The following CCDC60 variants were observed in gnomAD, a reference collection of about 807,000 sequenced individuals.
CCDC60 encodes the protein coiled-coil domain-containing protein 60.
Under a neutral mutation model 63.5 loss-of-function variants are expected in CCDC60, and 54 were observed. The ratio of observed to expected loss-of-function variants is 0.85; its 90% CI spans 0.68 to 1.07. CCDC60 has a LOEUF of 1.07. Among genes scored for constraint, CCDC60 ranks in the 50% least tolerant of loss-of-function variants. The pLI, the probability that CCDC60 is intolerant of heterozygous loss-of-function variation, is 0.00. For missense variants in CCDC60, 651 were observed against 684.3 expected (o/e 0.95, Z 0.54); for synonymous variants, 206 against 238.8 (o/e 0.86, Z 1.27).
At chr12:119,484,216 A>ATCTG (rs1392856138) in intron 4 of CCDC60, among the ~76,000 whole-genome samples, 1 of 152,102 alleles carries the variant, frequency 6.6e-6, no homozygotes, top group African/African-American at 2.4e-5. Flanking sequence ...CAGTTTCCTC[A>ATCTG]TCTGCAAAAC....
At chr12:119,351,029 G>C (rs1309120569) in intron 1 of CCDC60, among the ~76,000 whole-genome samples, 1 of 152,202 alleles carries the variant, frequency 6.6e-6, no homozygotes, top group African/African-American at 2.4e-5. Context: ...CCAGGAGGGT[G>C]TCAGAGACCA....
chr12:119,410,865 T>C lies in CCDC60; in HGVS notation c.91-17818T>C, dbSNP rs4346024. 0.37 allele frequency among the ~76,000 whole-genome samples: 56,381 copies of C among 151,988 alleles called. 10,964 individuals carry two copies. Among genetic ancestry groups the C allele is most frequent in the African/African-American group, 0.48 (19,880 of 41,452 alleles). ...TCAAGCAATTCTCCTGCCTCAGCCT[T>C]CTGAGTAGCTGGGACTACAGGCACG... On this transcript the variant is annotated intron_variant, in intron 1 of 13. Transcript: ENST00000327554. The surrounding 1 kb of genome is among the most constrained non-coding windows in gnomAD (Gnocchi z 4.0).
At chr12:119,411,837 C>G (rs1294046878) in intron 1 of CCDC60, among the ~76,000 whole-genome samples, 2 of 151,976 alleles carry the variant, frequency 1.3e-5, no homozygotes, top group African/African-American at 4.8e-5. Context: ...CCCGATACAC[C>G]CTTTCCCCCA....
At position 119,428,709 on chromosome 12, in the gene CCDC60, C is replaced by G. The variant is rs1260751879; in HGVS notation, c.117C>G (p.Ile39Met). ...TCCCAGACAAGCCAATGAAGAGCAT[C>G]AAGTATATGGACAAGGAAATAATAA... ...RQVPDKPMKS[I>M]KYMDKEIINL... The change falls in exon 2 of 14, where the codon ATC (isoleucine) becomes ATG (methionine). Residue 39 changes from isoleucine to methionine, a missense_variant. Coordinates refer to ENST00000327554, the MANE Select transcript of CCDC60 (RefSeq NM_178499.5). The G allele has an allele frequency of 1.2e-6, 2 of 1,607,106 alleles. No homozygotes were observed. Among genetic ancestry groups the G allele is most frequent in the Non-Finnish European group, 1.7e-6 (2 of 1,175,740 alleles).
chr12:119,398,256 G>A lies in CCDC60; in HGVS notation c.91-30427G>A, dbSNP rs1422165645. Among the ~76,000 whole-genome samples, 8 of 151,780 alleles carry A rather than the reference G, an allele frequency of 5.3e-5. No individual in the cohort carries two copies. The East Asian group carries it at 7.8e-4, about 15-fold the overall frequency. On this transcript the variant is annotated intron_variant, in intron 1 of 13. Coordinates refer to ENST00000327554, the MANE Select transcript of CCDC60 (RefSeq NM_178499.5). The stretch of plus-strand genomic sequence containing the variant: ...GCAGGCCGGCAGTGCTGGGGGACCC[G>A]GCGCAACCTCTGCAGCTCCTGGCCC...
In CCDC60 at chr12:119,488,863, C is replaced by G; in HGVS notation, c.554C>G (p.Pro185Arg). 1 of 1,612,384 alleles carries G rather than the reference C, an allele frequency of 6.2e-7. No homozygotes were observed. Among genetic ancestry groups the G allele is most frequent in the Non-Finnish European group, 8.5e-7 (1 of 1,178,382 alleles). The stretch of plus-strand genomic sequence containing the variant: ...AAGCCTGTGATCACCTGCTGGAACC[C>G]AAAGTATGCCTCAGCCCTTCAACTT... ...TMKPVITCWN[P>R]KDPGGSKSTI... Residue 185 changes from proline to arginine, a missense_variant, in exon 5 of 14, where the codon CCA becomes CGA. By Grantham distance (103) the Pro-to-Arg change is moderately radical. Transcript: ENST00000327554.
chr12:119,523,581 G>T, intron 10 of CCDC60, 112 bp from the exon 11 acceptor site: 2 of 1,466,230 alleles, frequency 1.4e-6, no homozygotes, highest in South Asian at 1.3e-5. Flanking sequence ...GTGGCTACAG[G>T]GAGTCCCCCA....
At chr12:119,439,919 A>C (rs1950407269) in intron 2 of CCDC60, among the ~76,000 whole-genome samples, 1 of 152,238 alleles carries the variant, frequency 6.6e-6, no homozygotes, top group Non-Finnish European at 1.5e-5. Flanking sequence ...AACTACAGGG[A>C]CATGGAAGAA....
At chr12:119,424,612 T>C (rs1357266531) in intron 1 of CCDC60, among the ~76,000 whole-genome samples, 1 of 152,248 alleles carries the variant, frequency 6.6e-6, no homozygotes, top group African/African-American at 2.4e-5. Flanking sequence ...GATTTTTGAA[T>C]GTTTTATAAA....
At chr12:119,352,422 C>T (rs1955665451) in intron 1 of CCDC60, among the ~76,000 whole-genome samples, 1 of 152,156 alleles carries the variant, frequency 6.6e-6, no homozygotes, top group African/African-American at 2.4e-5. Flanking sequence ...CTGAGGACAA[C>T]TTTGTGAGGA....
At chr12:119,514,248 T>C (rs1304759482) in intron 7 of CCDC60, among the ~76,000 whole-genome samples, 3 of 151,840 alleles carry the variant, frequency 2.0e-5, no homozygotes, top group Non-Finnish European at 4.4e-5. Flanking sequence ...GCAGTCTCGG[T>C]TTACTGCAAC....
At chr12:119,386,312 T>C (rs1956060791) in intron 1 of CCDC60, among the ~76,000 whole-genome samples, 1 of 152,186 alleles carries the variant, frequency 6.6e-6, no homozygotes, top group South Asian at 2.1e-4. Context: ...ATTTTTCTTC[T>C]GCTCTTGCCC....
chr12:119,368,103 G>A (rs1955860780), intron 1 of CCDC60, among the ~76,000 whole-genome samples: 1 of 135,722 alleles, frequency 7.4e-6, no homozygotes, highest in African/African-American at 2.8e-5. Flanking sequence ...GAGGAGGGAA[G>A]GGGGAGGAGG....
chr12:119,485,383 G>A (rs1335194078), intron 4 of CCDC60, among the ~76,000 whole-genome samples: 7 of 152,216 alleles, frequency 4.6e-5, no homozygotes, highest in Non-Finnish European at 1.0e-4. Context: ...GGCGGACGGG[G>A]CCTCATGTGT....
At chr12:119,495,604 G>A (rs1300666635) in intron 5 of CCDC60, among the ~76,000 whole-genome samples, 8 of 152,064 alleles carry the variant, frequency 5.3e-5, no homozygotes, top group South Asian at 2.1e-4. Flanking sequence ...AAATACTGTC[G>A]CAATCGTTCT....
intron 2 of CCDC60, among the ~76,000 whole-genome samples, chr12:119,468,727 C>T (rs1951000847): frequency 1.3e-5 from 2 of 151,956 alleles, no homozygotes; most frequent in South Asian, 4.1e-4. Flanking sequence ...AATAAAAACA[C>T]TGTCAATTAA....
chr12:119,341,903 C>T (rs913493586), intron 1 of CCDC60, among the ~76,000 whole-genome samples: 7 of 152,128 alleles, frequency 4.6e-5, no homozygotes, highest in Admixed American at 6.5e-5. Flanking sequence ...GTTTGAGTTC[C>T]TTGGATTTAC....
Position 119,363,423 on chromosome 12 carries a change from C to CTGTG in CCDC60, c.90+28177_90+28180dup, listed in dbSNP as rs5801335. On this transcript the variant is annotated intron_variant, in intron 1 of 13. Transcript: ENST00000327554. Reference sequence around the variant, plus strand: ...TTTATATAGTCTAGGTATGAGTCCTCTGTGTGTGTGTGTGTGTGTGTGTAT... The same window carrying CTGTG: ...TTTATATAGTCTAGGTATGAGTCCTCTGTGTGTGTGTGTGTGTGTGTGTGTGTAT... 2.2e-3 allele frequency among the ~76,000 whole-genome samples: 328 copies of CTGTG among 150,656 alleles called. 1 individual carries two copies. The highest frequency in any genetic ancestry group is 0.017 in the East Asian group (89 of 5,096).
chr12:119,490,042 T>G (rs1051352718), intron 5 of CCDC60, among the ~76,000 whole-genome samples: 7 of 152,156 alleles, frequency 4.6e-5, no homozygotes, highest in African/African-American at 1.7e-4. Context: ...ATGATCCGCC[T>G]GCCTCGGCCT....
Sources: gnomAD v4.1 joint callset for allele counts (sites outside exome capture counted in the v4.1 genomes callset) on GRCh38, gnomAD v4.1.1 for gene constraint, Gnocchi (gnomAD v3.1) non-coding constraint, MANE v1.5 for transcripts, NCBI Gene and HGNC (gene_info 2026-07-23, HGNC 2026-07-21) for gene names.